Variants in DNAH12 observed in about 807,000 individuals in gnomAD.
The protein encoded by DNAH12 is axonemal beta dynein heavy chain 12.
In DNAH12, 285 loss-of-function variants were observed where a neutral mutation model predicts 371.5. The ratio of observed to expected loss-of-function variants is 0.77; its 90% CI spans 0.70 to 0.85. DNAH12 has a LOEUF of 0.85. Ranked by LOEUF, DNAH12 falls within the 40% of genes least tolerant of loss-of-function variation. The pLI, the probability that DNAH12 is intolerant of heterozygous loss-of-function variation, is 0.00. For missense variants in DNAH12, 3,611 were observed against 3,689.4 expected (o/e 0.98, Z 0.55); for synonymous variants, 1,200 against 1,213.0 (o/e 0.99, Z 0.22).
the DNAH12 span, among the ~76,000 whole-genome samples, chr3:57,550,908 T>C: frequency 6.6e-6 from 1 of 151,030 alleles, no homozygotes; most frequent in Non-Finnish European, 1.5e-5. Flanking sequence ...AGATGGAGTC[T>C]CGCTCTGTCG....
intron 70 of DNAH12, among the ~76,000 whole-genome samples, 158 bp downstream of exon 70, chr3:57,301,575 GAC>G (rs1353289198): frequency 6.6e-6 from 1 of 151,748 alleles, no homozygotes; most frequent in Non-Finnish European, 1.5e-5. Flanking sequence ...TCAACTCAGA[GAC>G]ACTCAAGTGA....
intron 60 of DNAH12, among the ~76,000 whole-genome samples, chr3:57,348,270 G>T (rs528788865): frequency 6.6e-6 from 1 of 152,068 alleles, no homozygotes; most frequent in African/African-American, 2.4e-5. Flanking sequence ...CATACATAGC[G>T]CATAATTCCA....
At chr3:57,534,559 A>C (rs1270840319) in intron 2 of DNAH12, among the ~76,000 whole-genome samples, 1 of 144,872 alleles carries the variant, frequency 6.9e-6, no homozygotes, top group Non-Finnish European at 1.5e-5. Context: ...GCCTGACTGA[A>C]GTGCAGTGGT....
intron 13 of DNAH12, among the ~76,000 whole-genome samples, chr3:57,481,096 AG>A (rs2066727456): frequency 6.6e-6 from 1 of 152,202 alleles, no homozygotes; most frequent in South Asian, 2.1e-4. Flanking sequence ...AAGGAAATAA[AG>A]GGTATTCAGT....
chr3:57,498,267 A>G, intron 11 of DNAH12: 1 of 485,758 alleles, frequency 2.1e-6, no homozygotes, highest in Non-Finnish European at 3.6e-6. Context: ...GAAATCTCAT[A>G]CACTGCTGGT....
chr3:57,361,434 C>T (rs1213949547), intron 58 of DNAH12, among the ~76,000 whole-genome samples: 4 of 120,298 alleles, frequency 3.3e-5, no homozygotes, highest in African/African-American at 7.9e-5. Flanking sequence ...TATATATATA[C>T]ACACACACAC....
At chr3:57,376,336 A>G (rs2063281295) in intron 53 of DNAH12, among the ~76,000 whole-genome samples, 1 of 152,110 alleles carries the variant, frequency 6.6e-6, no homozygotes, top group Non-Finnish European at 1.5e-5. Flanking sequence ...TGTAAAACAT[A>G]CGAACATTTG....
At chr3:57,530,522 ATCATATT>A (rs2068803229) in intron 2 of DNAH12, 3 of 720,174 alleles carry the variant, frequency 4.2e-6, no homozygotes, top group Non-Finnish European at 7.6e-6. Context: ...TTTTCCTTTC[ATCATATT>A]TCTTCTAAAT....
intron 11 of DNAH12, among the ~76,000 whole-genome samples, chr3:57,500,164 C>T (rs561062006): frequency 3.4e-5 from 5 of 146,682 alleles, no homozygotes; most frequent in African/African-American, 1.3e-4. Context: ...CTCAGCCCCC[C>T]CTAGTAGCTG....
At chr3:57,419,618 TTA>T (rs1175653111) in intron 36 of DNAH12, 100 bp from the exon 37 acceptor site, 1 of 845,854 alleles carries the variant, frequency 1.2e-6, no homozygotes, top group Non-Finnish European at 1.6e-6. Flanking sequence ...TTTTAAAAAC[TTA>T]AGTCTTCCCC....
chr3:57,482,228 A>G (rs945727194), intron 13 of DNAH12, among the ~76,000 whole-genome samples: 1 of 152,216 alleles, frequency 6.6e-6, no homozygotes, highest in Non-Finnish European at 1.5e-5. Flanking sequence ...TTTACAAGAA[A>G]AAAACAAACA....
intron 1 of DNAH12, among the ~76,000 whole-genome samples, chr3:57,543,183 T>A (rs991661229): frequency 6.6e-6 from 1 of 152,038 alleles, no homozygotes; most frequent in Non-Finnish European, 1.5e-5. Flanking sequence ...TCTGTAAATA[T>A]CCCTACAGCT....
intron 38 of DNAH12, among the ~76,000 whole-genome samples, chr3:57,414,411 A>T (rs1444941783): frequency 6.6e-6 from 1 of 152,016 alleles, no homozygotes; most frequent in Admixed American, 6.6e-5. Flanking sequence ...TTTATTTTAG[A>T]TTCAGGGAGT....
chr3:57,450,967 C>A (rs1169342380), intron 25 of DNAH12, among the ~76,000 whole-genome samples: 1 of 152,200 alleles, frequency 6.6e-6, no homozygotes, highest in Non-Finnish European at 1.5e-5. Context: ...TAGTCAATGA[C>A]ATTAAACGGG....
chr3:57,521,142 C>T (rs1010113308), intron 4 of DNAH12, among the ~76,000 whole-genome samples: 5 of 148,490 alleles, frequency 3.4e-5, no homozygotes, highest in African/African-American at 4.9e-5. Flanking sequence ...GAACTCTTTG[C>T]CTAGGCTAGA....
At chr3:57,459,225 T>A (rs1396568222) in intron 20 of DNAH12, among the ~76,000 whole-genome samples, 1 of 152,100 alleles carries the variant, frequency 6.6e-6, no homozygotes, top group Non-Finnish European at 1.5e-5. Flanking sequence ...GTCAGGTGAG[T>A]CACCTACACT....
chr3:57,300,107 G>A (rs1472021709), intron 70 of DNAH12, among the ~76,000 whole-genome samples: 1 of 152,114 alleles, frequency 6.6e-6, no homozygotes, highest in African/African-American at 2.4e-5. Flanking sequence ...CCAGCCCCTG[G>A]TTCTTTGCAG....
chr3:57,548,985 T>C (rs1208709206), upstream of DNAH12: 1 of 152,156 alleles, frequency 6.6e-6, no homozygotes. Context: ...CTTCACTTTT[T>C]CATAGAGAGA....
chr3:57,358,083 G>A (rs1178548356), intron 58 of DNAH12, among the ~76,000 whole-genome samples: 1 of 152,178 alleles, frequency 6.6e-6, no homozygotes, highest in Non-Finnish European at 1.5e-5. Flanking sequence ...GCTATCCACA[G>A]ACTCTGATGA....
Sources: gnomAD v4.1 joint callset for allele counts (sites outside exome capture counted in the v4.1 genomes callset) on GRCh38, gnomAD v4.1.1 for gene constraint, MANE v1.5 for transcripts, NCBI Gene and HGNC (gene_info 2026-07-23, HGNC 2026-07-21) for gene names.